The following DPP10 variants were observed in gnomAD, a reference collection of about 807,000 sequenced individuals.
The protein encoded by DPP10 is dipeptidyl peptidase like 10, also known as inactive dipeptidyl peptidase 10.
A neutral mutation model predicts 120.9 loss-of-function variants in DPP10; 33 were observed. The observed-to-expected ratio is 0.27, with a 90% CI of 0.21 to 0.37. The LOEUF is 0.37. Among genes scored for constraint, DPP10 ranks in the 10% least tolerant of loss-of-function variants. The pLI is 1.00. For synonymous variants in DPP10, 337 were observed against 326.1 expected (o/e 1.03, Z -0.36); for missense variants, 816 against 942.8 (o/e 0.87, Z 1.76).
chr2:115,652,527 T>C (rs1017731283), intron 5 of DPP10, among the ~76,000 whole-genome samples: 1 of 151,534 alleles, frequency 6.6e-6, no homozygotes, highest in Non-Finnish European at 1.5e-5. Flanking sequence ...TATGAAGTTA[T>C]AGAGGCGGAG....
Position 115,762,524 on chromosome 2 carries a change from C to T in DPP10, c.1075-48C>T, listed in dbSNP as rs745812874. The T allele has an allele frequency of 6.2e-6, 10 of 1,605,568 alleles. No homozygotes were observed. In the East Asian group the frequency reaches 1.3e-4, roughly 22 times the overall value. ...TTTAAAAAAGTTAAATTTATATATG[C>T]TCATTTTGGTCTTTAGATGCTTCAT... On this transcript the variant is annotated intron_variant, in intron 11 of 25. Coordinates refer to ENST00000410059, the MANE Select transcript of DPP10 (RefSeq NM_020868.6).
chr2:115,722,039 C>T (rs2092661556), intron 7 of DPP10, among the ~76,000 whole-genome samples: 1 of 151,868 alleles, frequency 6.6e-6, no homozygotes, highest in African/African-American at 2.4e-5. Context: ...TATGGGGAAT[C>T]AAAAATAGTC....
intron 1 of DPP10, among the ~76,000 whole-genome samples, chr2:115,202,782 G>A (rs2055832088): frequency 6.6e-6 from 1 of 152,046 alleles, no homozygotes; most frequent in Non-Finnish European, 1.5e-5. Flanking sequence ...ACTGAATTTT[G>A]GATTTCATCA....
At chr2:115,290,989 A>G (rs766928997) in intron 1 of DPP10, among the ~76,000 whole-genome samples, 20 of 152,058 alleles carry the variant, frequency 1.3e-4, no homozygotes, top group Admixed American at 3.3e-4. Context: ...GACCACAGGA[A>G]TCAGGCTTTG....
chr2:114,517,942 C>T (rs541113261), intron 1 of DPP10, among the ~76,000 whole-genome samples: 43 of 152,224 alleles, frequency 2.8e-4, no homozygotes, highest in African/African-American at 8.7e-4. Context: ...CTTTCGTCTT[C>T]GTCTTCTGCA....
In DPP10 at chr2:114,884,962, G is replaced by A. The variant is rs540255770; in HGVS notation, c.61-424277G>A. 7.2e-5 allele frequency among the ~76,000 whole-genome samples: 11 copies of A among 152,320 alleles called. No individual in the cohort carries two copies. The South Asian group carries it at 2.3e-3, about 32-fold the overall frequency. ...CTCATAGAAAGGATGAAGTAACAAT[G>A]TTGACAAGCCTTTGTCAAACCAGAG... is the stretch of plus-strand genomic sequence containing the variant. On this transcript the variant is annotated intron_variant, in intron 1 of 25. Transcript: ENST00000410059.
At chr2:115,217,197 T>A (rs1366796577) in intron 1 of DPP10, among the ~76,000 whole-genome samples, 1 of 152,184 alleles carries the variant, frequency 6.6e-6, no homozygotes, top group Non-Finnish European at 1.5e-5. Context: ...CTACGTCTGC[T>A]AATTACCAGC....
At chr2:114,965,169 C>G (rs187199494) in intron 1 of DPP10, among the ~76,000 whole-genome samples, 82 of 152,020 alleles carry the variant, frequency 5.4e-4, no homozygotes, top group Admixed American at 1.8e-3. Flanking sequence ...CGGATTTTTG[C>G]TCTCGTTGCC....
chr2:114,516,410 G>C (rs1276048763), intron 1 of DPP10, among the ~76,000 whole-genome samples: 1 of 152,186 alleles, frequency 6.6e-6, no homozygotes, highest in Non-Finnish European at 1.5e-5. Context: ...GCTGTGATGA[G>C]ACTCTGCTGT....
At chr2:114,698,954 G>A (rs72826537) in intron 1 of DPP10, among the ~76,000 whole-genome samples, 1,771 of 152,096 alleles carry the variant, frequency 0.012, 12 homozygotes, top group Middle Eastern at 0.034. Flanking sequence ...GAGTGCTTTC[G>A]TGATGTGTTC....
intron 1 of DPP10, among the ~76,000 whole-genome samples, chr2:115,030,225 G>A (rs1012188854): frequency 1.3e-5 from 2 of 151,162 alleles, no homozygotes; most frequent in African/African-American, 4.9e-5. Context: ...GATATTCAAT[G>A]TCTTAAGAAT....
intron 21 of DPP10, 21 bp from the exon 22 acceptor site, chr2:115,836,136 A>ATG: frequency 8.3e-7 from 1 of 1,203,562 alleles, no homozygotes; most frequent in East Asian, 2.6e-5. Context: ...ATATATATAT[A>ATG]TATATATTTT....
chr2:114,633,508 C>A (rs1464538620), intron 1 of DPP10, among the ~76,000 whole-genome samples: 1 of 151,592 alleles, frequency 6.6e-6, no homozygotes, highest in Non-Finnish European at 1.5e-5. Flanking sequence ...CCTGCCTTGG[C>A]CTCCCAAAGT....
At chr2:115,599,607 G>A (rs2083199153) in intron 5 of DPP10, among the ~76,000 whole-genome samples, 1 of 152,074 alleles carries the variant, frequency 6.6e-6, no homozygotes, top group Admixed American at 6.5e-5. Flanking sequence ...AGCCTCATAC[G>A]ATAATTCTAG....
At chr2:114,803,542 C>G (rs1433243089) in intron 1 of DPP10, among the ~76,000 whole-genome samples, 1 of 152,126 alleles carries the variant, frequency 6.6e-6, no homozygotes, top group Non-Finnish European at 1.5e-5. Flanking sequence ...ACAATAAGGT[C>G]CAGGCTAAGG....
chr2:115,249,059 TTA>T (rs1277644643), intron 1 of DPP10, among the ~76,000 whole-genome samples: 2 of 152,154 alleles, frequency 1.3e-5, no homozygotes, highest in Non-Finnish European at 2.9e-5. Context: ...GAGATCTTCA[TTA>T]TGCTGAAGAT....
At position 115,105,188 on chromosome 2, in the gene DPP10, C is replaced by CT. The variant is rs1202585860; in HGVS notation, c.61-204046dup. ...TCTATTGATTATTCTTCCTTAAAAT[C>CT]TTTTTCTCTGAGATGATTATGTCAT... On this transcript the variant is annotated intron_variant, in intron 1 of 25. Coordinates refer to ENST00000410059, the MANE Select transcript of DPP10 (RefSeq NM_020868.6). 2.6e-5 allele frequency among the ~76,000 whole-genome samples: 4 copies of CT among 152,160 alleles called. No homozygotes were observed. In the East Asian group the frequency reaches 7.7e-4, roughly 29 times the overall value.
chr2:115,525,796 C>T (rs1222075737), intron 4 of DPP10, 102 bp from the exon 5 acceptor site: 1 of 755,906 alleles, frequency 1.3e-6, no homozygotes, highest in East Asian at 2.7e-5. Flanking sequence ...AATGAGAATG[C>T]CATTTTATAG....
chr2:115,165,816 A>T (rs1250990905), intron 1 of DPP10, among the ~76,000 whole-genome samples: 1 of 152,176 alleles, frequency 6.6e-6, no homozygotes, highest in African/African-American at 2.4e-5. Flanking sequence ...ACACAAAAAC[A>T]AAAACAACAA....
Sources: allele counts gnomAD v4.1 joint callset (sites outside exome capture counted in the v4.1 genomes callset), GRCh38; gene constraint gnomAD v4.1.1; transcripts MANE v1.5; gene names NCBI Gene and HGNC (gene_info 2026-07-23, HGNC 2026-07-21).